The following ZNF773 variants were observed in gnomAD, a reference collection of about 807,000 sequenced individuals.
ZNF773 encodes the protein zinc finger protein 773.
Under a neutral mutation model 12.8 loss-of-function variants are expected in ZNF773, and 11 were observed. The ratio of observed to expected loss-of-function variants is 0.86; its 90% CI spans 0.54 to 1.42. The LOEUF (loss-of-function observed/expected upper bound fraction) is 1.42. Among genes scored for constraint, ZNF773 ranks in the 40% most tolerant of loss-of-function variants. The pLI, the probability that ZNF773 is intolerant of heterozygous loss-of-function variation, is 0.00. For synonymous variants in ZNF773, 175 were observed against 178.4 expected, an observed-to-expected ratio of 0.98 and a Z score of 0.15; for missense variants, 518 against 527.2, an observed-to-expected ratio of 0.98 and a Z score of 0.17.
intron 1 of ZNF773, 117 bp downstream of exon 1, chr19:57,500,230 C>T: frequency 7.3e-7 from 1 of 1,375,402 alleles, no homozygotes; most frequent in Non-Finnish European, 9.6e-7. Flanking sequence ...GTTTCTGACA[C>T]GCAGTGTGAT....
chr19:57,507,525 T>A lies in ZNF773; in HGVS notation c.*101T>A, dbSNP rs1241946190. 1 of 1,478,226 alleles carries A rather than the reference T, an allele frequency of 6.8e-7. No individual in the cohort carries two copies. The highest frequency in any genetic ancestry group is 8.9e-7 in the Non-Finnish European group (1 of 1,120,432). 91.6% of individuals were successfully genotyped at this position (1,478,226 alleles called of 1,614,324 possible). On this transcript the variant is annotated 3_prime_UTR_variant, in exon 4 of 4. Transcript: ENST00000282292. ...GTTACTAATGGAAATCCATTAGCTA[T>A]ACCTCCAAACTCATTCAACACTGGA...
chr19:57,510,832 T>TA (rs1267135996), downstream of ZNF773, among the ~76,000 whole-genome samples: 12 of 152,190 alleles, frequency 7.9e-5, no homozygotes, highest in East Asian at 2.3e-3. Flanking sequence ...TGAGAGACAT[T>TA]AAGGAAGGCA....
chr19:57,508,309 G>C, downstream of ZNF773: 9 of 1,159,194 alleles, frequency 7.8e-6, no homozygotes, highest in Non-Finnish European at 8.9e-6. Flanking sequence ...GAGCTCCAGA[G>C]AGAGGGAGCC....
chr19:57,508,389 G>C, downstream of ZNF773: 1 of 646,080 alleles, frequency 1.5e-6, no homozygotes, highest in Non-Finnish European at 2.6e-6. Flanking sequence ...GGAAAGGAGT[G>C]GTCTCGATTC....
At chr19:57,516,329 C>G (rs1600158125), downstream of ZNF773, 1 of 154,482 alleles carries the variant, frequency 6.5e-6, no homozygotes, top group Non-Finnish European at 1.5e-5. Flanking sequence ...GCTGTAATAT[C>G]CTGTGCGGTA....
intron 2 of ZNF773, 92 bp downstream of exon 2, chr19:57,504,878 C>T (rs2089711619): frequency 4.7e-6 from 7 of 1,496,502 alleles, no homozygotes; most frequent in South Asian, 3.5e-5. Context: ...CAAAGCTGAA[C>T]TGTGGGCACT....
rs2089710676 is a variant in ZNF773 at position 57,504,805 on chromosome 19, ACCCCAGCAT to A, written c.163+22_163+30del. ...TCTCTGGGTAAGGTTCTCACACCCC[ACCCCAGCAT>A]CCTGAGCTGGACTTGGCTTTTCCTC... On this transcript the variant is annotated intron_variant, in intron 2 of 3. Transcript: ENST00000282292. The A allele has an allele frequency of 6.2e-7, 1 of 1,609,022 alleles. No individual in the cohort carries two copies. The highest frequency in any genetic ancestry group is 8.5e-7 in the Non-Finnish European group (1 of 1,177,098).
downstream of ZNF773, among the ~76,000 whole-genome samples, chr19:57,511,032 ATTTATTTTAT>A (rs765396709): frequency 2.0e-5 from 3 of 147,610 alleles, no homozygotes; most frequent in African/African-American, 7.5e-5. Context: ...AAACAATTTT[ATTTATTTTAT>A]TTTATTTTAT....
chr19:57,510,618 A>T (rs148118172), downstream of ZNF773, among the ~76,000 whole-genome samples: 1,376 of 152,280 alleles, frequency 9.0e-3, 27 homozygotes, highest in African/African-American at 0.031. Context: ...AAAAGCTACT[A>T]GATCTAATAA....
At position 57,504,694 on chromosome 19, in the gene ZNF773, T is replaced by C. The variant is rs2089708376; in HGVS notation, c.71T>C (p.Phe24Ser). Residue 24 changes from phenylalanine to serine, a missense_variant, in exon 2 of 4, where the codon TTC becomes TCC. Phe to Ser is a radical substitution (Grantham distance 155). Coordinates refer to ENST00000282292, the MANE Select transcript of ZNF773 (RefSeq NM_198542.3). Reference sequence around the variant, plus strand: ...ACCTTTGAGGACGTGGCTGTCTACTTCTCCCAGGAGGAATGGAGATTGCTT... The same window carrying C: ...ACCTTTGAGGACGTGGCTGTCTACTCCTCCCAGGAGGAATGGAGATTGCTT... ...YVTFEDVAVY[F>S]SQEEWRLLDD... The C allele has an allele frequency of 6.2e-7, 1 of 1,613,932 alleles. No homozygotes were observed. The highest frequency in any genetic ancestry group is 8.5e-7 in the Non-Finnish European group (1 of 1,179,952).
chr19:57,501,690 T>C (rs1456520410), intron 1 of ZNF773, among the ~76,000 whole-genome samples: 1 of 152,126 alleles, frequency 6.6e-6, no homozygotes. Flanking sequence ...GGATGATCCT[T>C]TGGTAACATC....
At chr19:57,502,103 C>T (rs535760804) in intron 1 of ZNF773, among the ~76,000 whole-genome samples, 9 of 152,224 alleles carry the variant, frequency 5.9e-5, no homozygotes, top group Non-Finnish European at 8.8e-5. Context: ...CCGTCACGCC[C>T]GGCTAATTTT....
At position 57,507,176 on chromosome 19, in the gene ZNF773, T is replaced by A; in HGVS notation, c.1081T>A (p.Cys361Ser). 6.2e-7 allele frequency: 1 copy of A among 1,614,178 alleles called. No individual in the cohort carries two copies. The highest frequency in any genetic ancestry group is 8.5e-7 in the Non-Finnish European group (1 of 1,180,030). Reference protein sequence around the residue: ...RVHTGERPYECSECGKFFSQS... With the variant: ...RVHTGERPYESSECGKFFSQS... ...TCACACTGGAGAAAGGCCTTATGAG[T>A]GCAGTGAATGTGGGAAATTTTTTAG... The change falls in exon 4 of 4, where the codon TGC (cysteine) becomes AGC (serine). Residue 361 changes from cysteine to serine, a missense_variant. Coordinates refer to ENST00000282292, the MANE Select transcript of ZNF773 (RefSeq NM_198542.3).
chr19:57,513,002 A>G (rs544268645), downstream of ZNF773: 60 of 1,543,338 alleles, frequency 3.9e-5, no homozygotes, highest in East Asian at 1.3e-3. Context: ...TCATTTCTGC[A>G]TTTGTCCTTC....
At chr19:57,513,154 C>T (rs1490685154), downstream of ZNF773, 2 of 1,364,888 alleles carry the variant, frequency 1.5e-6, no homozygotes, top group East Asian at 2.8e-5. Flanking sequence ...GATATAAGGT[C>T]AGTGCCCTAA....
chr19:57,500,626 G>A (rs73070961), intron 1 of ZNF773, among the ~76,000 whole-genome samples: 33,615 of 146,544 alleles, frequency 0.23, 3,899 homozygotes, highest in African/African-American at 0.3. Flanking sequence ...CTGAACAGAC[G>A]GGAATTCCTG....
chr19:57,511,417 A>G (rs1325205725), downstream of ZNF773, among the ~76,000 whole-genome samples: 3 of 152,286 alleles, frequency 2.0e-5, no homozygotes, highest in Non-Finnish European at 2.9e-5. Context: ...ATGTACGGTA[A>G]TTGAGAGAGT....
intron 1 of ZNF773, among the ~76,000 whole-genome samples, chr19:57,503,700 T>C (rs2089694465): frequency 1.3e-5 from 2 of 150,996 alleles, no homozygotes; most frequent in African/African-American, 4.9e-5. Context: ...TCTTGTTGCC[T>C]AGACTAGAGC....
chr19:57,501,516 T>C (rs956231234), intron 1 of ZNF773, among the ~76,000 whole-genome samples: 2 of 152,130 alleles, frequency 1.3e-5, no homozygotes, highest in African/African-American at 4.8e-5. Context: ...AATAGTCCTA[T>C]TGAGTGAATA....
Sources: gnomAD v4.1 joint callset for allele counts (sites outside exome capture counted in the v4.1 genomes callset) on GRCh38, gnomAD v4.1.1 for gene constraint, MANE v1.5 for transcripts, NCBI Gene and HGNC (gene_info 2026-07-23, HGNC 2026-07-21) for gene names.